The following VWCE variants were observed in gnomAD, a reference collection of about 807,000 sequenced individuals.
The protein encoded by VWCE is von Willebrand factor C and EGF domain-containing protein.
A neutral mutation model predicts 102.9 loss-of-function variants in VWCE; 68 were observed. The observed-to-expected ratio is 0.66, with a 90% CI of 0.54 to 0.81. VWCE has a LOEUF of 0.81. Among genes scored for constraint, VWCE ranks in the 30% least tolerant of loss-of-function variants. The pLI, the probability that VWCE is intolerant of heterozygous loss-of-function variation, is 0.00. For synonymous variants in VWCE, 497 were observed against 515.4 expected, an observed-to-expected ratio of 0.96 and a Z score of 0.48; for missense variants, 1,137 against 1,263.6, an observed-to-expected ratio of 0.90 and a Z score of 1.52.
At chr11:61,265,916 C>T (rs1245109830) in intron 16 of VWCE, among the ~76,000 whole-genome samples, 7 of 151,924 alleles carry the variant, frequency 4.6e-5, no homozygotes, top group South Asian at 2.1e-4. Flanking sequence ...CGTGGTGGTG[C>T]GCACCTGTAA....
intron 19 of VWCE, among the ~76,000 whole-genome samples, chr11:61,260,584 C>T (rs1016566336): frequency 7.2e-5 from 11 of 152,134 alleles, no homozygotes; most frequent in African/African-American, 2.4e-4. Context: ...AAGTGTGATC[C>T]ACGGTGCCCA....
chr11:61,274,666 C>T, intron 11 of VWCE, 82 bp from the exon 12 acceptor site: 15 of 1,268,662 alleles, frequency 1.2e-5, no homozygotes, highest in Non-Finnish European at 1.7e-5. Context: ...GGGTAGGGAG[C>T]CCCGGGGCAC....
At chr11:61,293,137 A>G (rs1447171111) in intron 1 of VWCE, among the ~76,000 whole-genome samples, 1 of 144,326 alleles carries the variant, frequency 6.9e-6, no homozygotes, top group Non-Finnish European at 1.5e-5. Context: ...GCTACTTGGG[A>G]GGGTGAGGTA....
Position 61,258,791 on chromosome 11 carries a change from G to A in VWCE, c.2752C>T (p.Pro918Ser), listed in dbSNP as rs1854261626. Residue 918 changes from proline to serine, a missense_variant, in exon 20 of 20, where the codon CCT (proline) becomes TCT (serine). Coordinates refer to ENST00000335613, the MANE Select transcript of VWCE (RefSeq NM_152718.2). The stretch of plus-strand genomic sequence containing the variant: ...GAGGTGGTGGGAGAAAGCACGCGAG[G>A]CCCGAGGAGGGTGATGGGGGTCTTC... ...PSKTPITLLG[P>S]RVLSPTTSRL... The A allele has an allele frequency of 6.7e-7, 1 of 1,500,346 alleles. No homozygotes were observed. Among genetic ancestry groups the A allele is most frequent in the African/African-American group, 1.4e-5 (1 of 71,272 alleles). 92.9% of individuals were successfully genotyped at this position (1,500,346 alleles called of 1,614,324 possible). A position where few individuals can be genotyped will look rare whatever the true frequency, so the allele number is the denominator to read the frequency against.
At chr11:61,274,876 A>G (rs957795263) in intron 11 of VWCE, among the ~76,000 whole-genome samples, 7 of 152,226 alleles carry the variant, frequency 4.6e-5, no homozygotes, top group African/African-American at 1.7e-4. Context: ...AGTCTGGTCA[A>G]AACAGCGAGA....
At chr11:61,265,991 A>G (rs1444892027) in intron 16 of VWCE, among the ~76,000 whole-genome samples, 1 of 152,052 alleles carries the variant, frequency 6.6e-6, no homozygotes, top group Non-Finnish European at 1.5e-5. Context: ...GGTTGCAGTG[A>G]GCCAAGATTG....
intron 1 of VWCE, among the ~76,000 whole-genome samples, chr11:61,293,677 G>A (rs1329351323): frequency 1.3e-5 from 2 of 152,178 alleles, no homozygotes; most frequent in Non-Finnish European, 2.9e-5. Context: ...ATGATTCTGC[G>A]AGGCAGGCAC....
chr11:61,283,659 C>T (rs1241005942), intron 5 of VWCE, among the ~76,000 whole-genome samples: 2 of 152,218 alleles, frequency 1.3e-5, no homozygotes, highest in African/African-American at 4.8e-5. Flanking sequence ...GATCCACCTG[C>T]CTTGGCCTCC....
At position 61,291,326 on chromosome 11, in the gene VWCE, C is replaced by A. The variant is rs376254690; in HGVS notation, c.233G>T (p.Gly78Val). ...GCAGACATTGGGAGCGATGCAGATG[C>A]CACTCCCACAGCCGAAGGAGCAGAG... is the stretch of plus-strand genomic sequence containing the variant. Reference protein sequence around the residue: ...LPLCSFGCGSGICIAPNVCSC... With the variant: ...LPLCSFGCGSVICIAPNVCSC... Residue 78 changes from glycine to valine, a missense_variant, in exon 3 of 20, where the codon GGC (glycine) becomes GTC (valine). Coordinates refer to ENST00000335613, the MANE Select transcript of VWCE (RefSeq NM_152718.2). The A allele has an allele frequency of 1.2e-6, 2 of 1,612,468 alleles. No individual in the cohort carries two copies. Among genetic ancestry groups the A allele is most frequent in the Non-Finnish European group, 1.7e-6 (2 of 1,179,266 alleles).
At position 61,280,834 on chromosome 11, in the gene VWCE, T is replaced by A; in HGVS notation, c.1189A>T (p.Ser397Cys). ...WHLGAMHESRSRWTEPGCSQC... is the reference protein window; with the variant it reads ...WHLGAMHESRCRWTEPGCSQC... ...GAACACCCAGGCTCTGTCCAGCGAC[T>A]CCTTGATTCATGCATGGCTCCCAGG... The change falls in exon 8 of 20, where the codon AGT (serine) becomes TGT (cysteine). Residue 397 changes from serine (S) to cysteine (C), a missense_variant. Transcript: ENST00000335613. The A allele has an allele frequency of 6.4e-7, 1 of 1,556,826 alleles. No homozygotes were observed. Among genetic ancestry groups the A allele is most frequent in the Non-Finnish European group, 8.7e-7 (1 of 1,152,190 alleles).
At chr11:61,264,151 G>C (rs942662104) in intron 19 of VWCE, among the ~76,000 whole-genome samples, 1 of 149,604 alleles carries the variant, frequency 6.7e-6, no homozygotes, top group African/African-American at 2.5e-5. Context: ...GCGTGAACCC[G>C]GGAGGCGGAG....
Position 61,259,180 on chromosome 11 carries a change from G to T in VWCE, c.2363C>A (p.Thr788Lys), listed in dbSNP as rs149908344. 1.8e-3 allele frequency: 2,909 copies of T among 1,614,218 alleles called. 23 individuals are homozygous for T. The highest frequency in any genetic ancestry group is 1.9e-3 in the Non-Finnish European group (2,258 of 1,180,032). ...AAGCACCGGCCTCGAGGGTGATGCT[G>T]TCGGGGGCCCAGGACAGGAGCTACA... Reference protein sequence around the residue: ...VNCSSCPGPPTASPSRPVLHL... With the variant: ...VNCSSCPGPPKASPSRPVLHL... The change falls in exon 20 of 20, where the codon ACA (threonine) becomes AAA (lysine). Residue 788 changes from threonine (T) to lysine (K), a missense_variant. Physicochemically the swap from Thr to Lys is moderately conservative, Grantham distance 78. This residue lies in a region of VWCE where 316 missense variants were observed against 319.3 expected (regional missense o/e 0.99). Coordinates refer to ENST00000335613, the MANE Select transcript of VWCE (RefSeq NM_152718.2).
chr11:61,270,643 G>C (rs1854658820), intron 14 of VWCE, among the ~76,000 whole-genome samples: 1 of 152,066 alleles, frequency 6.6e-6, no homozygotes, highest in South Asian at 2.1e-4. Context: ...GAAATGGTGA[G>C]GTCACATGTT....
chr11:61,291,390 G>C, intron 2 of VWCE, 37 bp from the exon 3 acceptor site: 2 of 1,599,360 alleles, frequency 1.3e-6, no homozygotes, highest in Non-Finnish European at 1.7e-6. Flanking sequence ...CGAGGAACTG[G>C]GGCCTCCCGT....
rs1454013247 is a variant in VWCE, at chr11:61,294,312, G to T, written c.110+616C>A. On this transcript the variant is annotated intron_variant, in intron 1 of 19. Coordinates refer to ENST00000335613, the MANE Select transcript of VWCE (RefSeq NM_152718.2). This position sits in a 1 kb window ranked among gnomAD's most constrained non-coding sequence, Gnocchi z 6.3. ...GCGGGCCAGGCCGCCTGCTGACACA[G>T]TGTTCCCTAGCTCCGAGCATCACGC... 6.6e-6 allele frequency among the ~76,000 whole-genome samples: 1 copy of T among 152,222 alleles called. No homozygotes were observed. The highest frequency in any genetic ancestry group is 1.5e-5 in the Non-Finnish European group (1 of 68,028).
At position 61,280,951 on chromosome 11, in the gene VWCE, AG is replaced by A. The variant is rs777227649; in HGVS notation, c.1071del (p.Ser358HisfsTer7). ...TASLLGNLRP[P>X]SLLQGEVMGT... Reference sequence around the variant, plus strand: ...CCCATCACCTCCCCCTGAAGGAGTGAGGGGGGTCTGAGGTTCCCCAGCAGGG... The same window carrying A: ...CCCATCACCTCCCCCTGAAGGAGTGAGGGGGTCTGAGGTTCCCCAGCAGGG... On this transcript the variant is annotated frameshift_variant, in exon 8 of 20. Coordinates refer to ENST00000335613, the MANE Select transcript of VWCE (RefSeq NM_152718.2). LOFTEE classifies it high-confidence loss of function. 2.0e-6 allele frequency: 3 copies of A among 1,533,338 alleles called. No homozygotes were observed. Among genetic ancestry groups the A allele is most frequent in the Non-Finnish European group, 8.8e-7 (1 of 1,142,360 alleles). 95.0% of individuals were successfully genotyped at this position (1,533,338 alleles called of 1,614,324 possible).
intron 9 of VWCE, among the ~76,000 whole-genome samples, chr11:61,278,845 C>T (rs189653390): frequency 8.1e-4 from 124 of 152,190 alleles, no homozygotes; most frequent in African/African-American, 2.8e-3. Context: ...TTGAGACCAG[C>T]CCGGCCAACA....
At chr11:61,260,438 ATTCTGTTCTG>A (rs532092833) in intron 19 of VWCE, among the ~76,000 whole-genome samples, 6 of 151,976 alleles carry the variant, frequency 3.9e-5, no homozygotes, top group East Asian at 3.9e-4. Flanking sequence ...CACACCTGGC[ATTCTGTTCTG>A]TTCTGTTCTG....
chr11:61,282,550 G>A (rs1170853192), intron 6 of VWCE: 10 of 470,324 alleles, frequency 2.1e-5, no homozygotes, highest in East Asian at 3.6e-5. Context: ...GGAGAGGAGC[G>A]GAAGAGAAAC....
Sources: allele counts gnomAD v4.1 joint callset (sites outside exome capture counted in the v4.1 genomes callset), GRCh38; gene constraint gnomAD v4.1.1; regional missense constraint gnomAD v4.1.1; non-coding constraint Gnocchi (gnomAD v3.1); transcripts MANE v1.5; gene names NCBI Gene and HGNC (gene_info 2026-07-23, HGNC 2026-07-21).